The following PVT1 variants were observed in gnomAD, a reference collection of about 807,000 sequenced individuals.
PVT1 encodes CXCR4/PVT1 fusion.
At chr8:127,956,080 G>A (rs1816565814) in intron 3 of PVT1, among the ~76,000 whole-genome samples, 1 of 152,238 alleles carries the variant, frequency 6.6e-6, no homozygotes. Flanking sequence ...AGAGCTTGGG[G>A]AGGTAGACAG....
At chr8:128,066,632 G>A (rs1271250091) in intron 4 of PVT1, among the ~76,000 whole-genome samples, 2 of 152,184 alleles carry the variant, frequency 1.3e-5, no homozygotes, top group Non-Finnish European at 2.9e-5. Flanking sequence ...TCCCAACTGG[G>A]CCTGGTAGGA....
chr8:127,837,787 A>G (rs1021588917), intron 2 of PVT1, among the ~76,000 whole-genome samples: 6 of 152,056 alleles, frequency 3.9e-5, no homozygotes, highest in Admixed American at 6.5e-5. Context: ...CCCAGTGTTC[A>G]TACTCTTTTG....
At chr8:127,967,817 A>C (rs145570323) in intron 3 of PVT1, among the ~76,000 whole-genome samples, 82 of 152,374 alleles carry the variant, frequency 5.4e-4, no homozygotes, top group African/African-American at 2.0e-3. Context: ...GACATCTCAC[A>C]GGAGATTCAT....
intron 2 of PVT1, among the ~76,000 whole-genome samples, chr8:127,863,216 A>G (rs976190801): frequency 3.3e-5 from 5 of 151,910 alleles, no homozygotes; most frequent in Admixed American, 1.3e-4. Flanking sequence ...GGTTCAAGCA[A>G]TTATCCTGCT....
At chr8:127,988,483 G>A (rs984117294) in intron 3 of PVT1, among the ~76,000 whole-genome samples, 3 of 152,240 alleles carry the variant, frequency 2.0e-5, no homozygotes, top group Admixed American at 1.3e-4. Flanking sequence ...GGATAGCCTA[G>A]AAGGGTGGCC....
chr8:127,817,563 A>G (rs1814680960), intron 2 of PVT1, among the ~76,000 whole-genome samples: 4 of 112,606 alleles, frequency 3.6e-5, no homozygotes, highest in South Asian at 2.7e-4. Context: ...ACACACACAT[A>G]TATATATATA....
chr8:127,856,445 G>T (rs1341354351), intron 2 of PVT1, among the ~76,000 whole-genome samples: 2 of 151,564 alleles, frequency 1.3e-5, no homozygotes, highest in African/African-American at 4.8e-5. Context: ...AGGTTCAAGT[G>T]ATTCTCCTGT....
intron 2 of PVT1, chr8:127,855,282 G>A: frequency 5.0e-6 from 2 of 398,744 alleles, no homozygotes; most frequent in South Asian, 1.3e-4. Context: ...GGTGGATGGA[G>A]AAGCAGCTGG....
At chr8:127,828,481 GTGT>G (rs1267408453) in intron 2 of PVT1, among the ~76,000 whole-genome samples, 17 of 152,286 alleles carry the variant, frequency 1.1e-4, no homozygotes, top group East Asian at 3.9e-4. Context: ...CACAAGCCCT[GTGT>G]TGTTTATATT....
At chr8:127,912,664 C>A (rs912173968) in intron 3 of PVT1, among the ~76,000 whole-genome samples, 7 of 152,060 alleles carry the variant, frequency 4.6e-5, no homozygotes, top group African/African-American at 1.7e-4. Flanking sequence ...TGTCCACTGA[C>A]CCCAAATACT....
At chr8:127,872,526 T>C (rs1187875083) in intron 2 of PVT1, among the ~76,000 whole-genome samples, 2 of 152,258 alleles carry the variant, frequency 1.3e-5, no homozygotes, top group Non-Finnish European at 2.9e-5. Context: ...TTATGCATTG[T>C]GTGCCTCTAT....
chr8:128,100,110 C>T (rs2130181253), intron 6 of PVT1, among the ~76,000 whole-genome samples: 1 of 141,822 alleles, frequency 7.1e-6, no homozygotes, highest in Admixed American at 7.3e-5. Context: ...TCCCTCCCTC[C>T]CAACCTTCCT....
intron 5 of PVT1, among the ~76,000 whole-genome samples, chr8:128,079,985 A>C (rs773409025): frequency 6.6e-6 from 1 of 152,184 alleles, no homozygotes; most frequent in Non-Finnish European, 1.5e-5. Context: ...CGGCCTCCCA[A>C]GGATGTAGCC....
At chr8:127,892,940 C>T (rs1815630141) in intron 3 of PVT1, among the ~76,000 whole-genome samples, 1 of 152,174 alleles carries the variant, frequency 6.6e-6, no homozygotes, top group African/African-American at 2.4e-5. Flanking sequence ...GTGGTGGCAG[C>T]TGTGCCTCAC....
intron 4 of PVT1, among the ~76,000 whole-genome samples, chr8:128,002,196 C>A (rs1817185047): frequency 6.6e-6 from 1 of 152,104 alleles, no homozygotes; most frequent in Admixed American, 6.5e-5. Context: ...CTGGATAATC[C>A]CCAACAGGCG....
intron 2 of PVT1, among the ~76,000 whole-genome samples, chr8:127,873,384 T>A (rs1479714709): frequency 6.6e-6 from 1 of 152,192 alleles, no homozygotes; most frequent in Non-Finnish European, 1.5e-5. Flanking sequence ...GGAGACCCCT[T>A]CTAACTTCTG....
intron 2 of PVT1, among the ~76,000 whole-genome samples, chr8:127,855,854 G>A (rs1815154431): frequency 6.6e-6 from 1 of 152,214 alleles, no homozygotes; most frequent in South Asian, 2.1e-4. Context: ...GGTGTGGCCG[G>A]TAGGGGTGGG....
chr8:127,945,683 T>C (rs185153108), intron 3 of PVT1, among the ~76,000 whole-genome samples: 5 of 152,332 alleles, frequency 3.3e-5, no homozygotes, highest in Admixed American at 3.3e-4. Context: ...TTTGTTGCCT[T>C]GAGTGTCAGT....
intron 4 of PVT1, among the ~76,000 whole-genome samples, chr8:128,021,290 C>CTTTTTTTTTTTTTTTTCTTTTTTTTTTT (rs1817431431): frequency 1.2e-5 from 1 of 81,140 alleles, no homozygotes; most frequent in African/African-American, 4.8e-5. Context: ...AGGACTTGTG[C>CTTTTTTTTTTTTTTTTCTTTTTTTTTTT]TTTTTTTTTT....
Sources: gnomAD v4.1 joint callset for allele counts (sites outside exome capture counted in the v4.1 genomes callset) on GRCh38, gnomAD v4.1.1 for gene constraint, MANE v1.5 for transcripts, NCBI Gene and HGNC (gene_info 2026-07-23, HGNC 2026-07-21) for gene names.